The following TRAPPC8 variants were observed in gnomAD, a reference collection of about 807,000 sequenced individuals.
TRAPPC8 encodes the protein general sporulation gene 1 homolog.
In TRAPPC8, 54 loss-of-function variants were observed where a neutral mutation model predicts 174.3. The ratio of observed to expected loss-of-function variants is 0.31; its 90% confidence interval spans 0.25 to 0.39. TRAPPC8 has a LOEUF of 0.39. Among genes scored for constraint, TRAPPC8 ranks in the 10% least tolerant of loss-of-function variants. The pLI, the probability that TRAPPC8 is intolerant of heterozygous loss-of-function variation, is 1.00. For synonymous variants in TRAPPC8, 630 were observed against 579.9 expected, an observed-to-expected ratio of 1.09 and a Z score of -1.24; for missense variants, 1,531 against 1,699.1, an observed-to-expected ratio of 0.90 and a Z score of 1.74.
At chr18:31,933,826 G>A (rs2037960764) in intron 1 of TRAPPC8, among the ~76,000 whole-genome samples, 1 of 151,892 alleles carries the variant, frequency 6.6e-6, no homozygotes, top group Admixed American at 6.6e-5. Context: ...ACTCAAAAAC[G>A]TTTTTAAAAT....
intron 11 of TRAPPC8, chr18:31,896,484 A>G (rs1418966055): frequency 6.7e-6 from 1 of 148,870 alleles, no homozygotes; most frequent in African/African-American, 2.5e-5. Flanking sequence ...GGAATATCTC[A>G]AGCCATTTCT....
chr18:31,848,969 G>A (rs1054388866), intron 25 of TRAPPC8, among the ~76,000 whole-genome samples: 9 of 151,850 alleles, frequency 5.9e-5, no homozygotes, highest in Non-Finnish European at 4.4e-5. Flanking sequence ...GGGTAAAATA[G>A]TATATTTAAA....
intron 13 of TRAPPC8, chr18:31,873,911 T>C (rs1426862580): frequency 1.6e-5 from 3 of 188,200 alleles, no homozygotes; most frequent in African/African-American, 4.8e-5. Context: ...TTCTGCACGA[T>C]AGATATAATA....
chr18:31,942,533 C>T (rs2038392060), intron 1 of TRAPPC8, 75 bp downstream of exon 1: 2 of 1,445,968 alleles, frequency 1.4e-6, no homozygotes, highest in East Asian at 2.7e-5. Context: ...CCTTCTCTTC[C>T]CTGCCCGCCC....
At chr18:31,900,798 A>T in intron 10 of TRAPPC8, 127 bp downstream of exon 10, 1 of 690,092 alleles carries the variant, frequency 1.4e-6, no homozygotes, top group Non-Finnish European at 2.3e-6. Context: ...CTAACTTTTT[A>T]AAAATCACCT....
intron 12 of TRAPPC8, among the ~76,000 whole-genome samples, chr18:31,878,828 T>G (rs2035287194): frequency 6.6e-6 from 1 of 152,170 alleles, no homozygotes; most frequent in African/African-American, 2.4e-5. Flanking sequence ...GTTGTTATTC[T>G]TGTTATCAAA....
rs2038405867 is a variant in TRAPPC8 at position 31,942,745 on chromosome 18, G to A, written c.20C>T (p.Ser7Leu). 1 of 1,565,410 alleles carries A rather than the reference G, an allele frequency of 6.4e-7. No homozygotes were observed. The highest frequency in any genetic ancestry group is 8.7e-7 in the Non-Finnish European group (1 of 1,155,828). Residue 7 changes from serine to leucine, a missense_variant, in exon 1 of 29, where the codon TCA (serine) becomes TTA (leucine). Physicochemically the swap from Ser to Leu is moderately radical, Grantham distance 145. Transcript: ENST00000283351. Reference protein sequence around the residue: MAQCVQSVQELIPDSFV... With the variant: MAQCVQLVQELIPDSFV... ...GGAGTCCGGGATTAGCTCCTGCACT[G>A]ATTGTACACACTGGGCCATCGCCGC... is the stretch of plus-strand genomic sequence containing the variant.
intron 11 of TRAPPC8, among the ~76,000 whole-genome samples, chr18:31,893,023 A>G (rs7231114): frequency 0.42 from 55,235 of 131,484 alleles, 11,186 homozygotes; most frequent in Middle Eastern, 0.55. Context: ...TCTCAAAAAA[A>G]GGGAAAAAAA....
chr18:31,921,725 T>C lies in TRAPPC8; in HGVS notation c.353-4058A>G, dbSNP rs541289750. ...TTCTGCAATGTATAATGTAGCTTTC[T>C]CATCTCACCTTCTGGAAAACGGAAT... On this transcript the variant is annotated intron_variant, in intron 2 of 28. Coordinates refer to ENST00000283351, the MANE Select transcript of TRAPPC8 (RefSeq NM_014939.5). Among the ~76,000 whole-genome samples, 26 of 152,278 alleles carry C rather than the reference T, an allele frequency of 1.7e-4. No individual in the cohort carries two copies. In the South Asian group the frequency reaches 5.0e-3, roughly 29 times the overall value.
At position 31,906,742 on chromosome 18, in the gene TRAPPC8, T is replaced by C. The variant is rs2036677702; in HGVS notation, c.1389+718A>G. 3.3e-5 allele frequency among the ~76,000 whole-genome samples: 5 copies of C among 152,220 alleles called. No homozygotes were observed. In the South Asian group the frequency reaches 1.0e-3, roughly 31 times the overall value. ...GGAAATACCTGGCTTTGTAATCAAT[T>C]ACAAAACTAACACAACTGATATTAC... On this transcript the variant is annotated intron_variant, in intron 9 of 28. Transcript: ENST00000283351.
intron 11 of TRAPPC8, among the ~76,000 whole-genome samples, chr18:31,895,402 T>A (rs2036140987): frequency 6.6e-6 from 1 of 152,168 alleles, no homozygotes; most frequent in Non-Finnish European, 1.5e-5. Flanking sequence ...GATTTCTGGG[T>A]ACGTGCACCA....
chr18:31,881,270 A>T (rs538988659), intron 12 of TRAPPC8, among the ~76,000 whole-genome samples: 12 of 152,296 alleles, frequency 7.9e-5, no homozygotes, highest in African/African-American at 2.6e-4. Flanking sequence ...CCAAAACAGC[A>T]TGGTACTGGT....
chr18:31,871,710 G>A (rs1218638133), intron 14 of TRAPPC8, among the ~76,000 whole-genome samples: 2 of 152,092 alleles, frequency 1.3e-5, no homozygotes, highest in African/African-American at 4.8e-5. Context: ...CAAGTTGTGG[G>A]AAATGTAGAA....
At chr18:31,880,742 T>C (rs974316936) in intron 12 of TRAPPC8, among the ~76,000 whole-genome samples, 1 of 152,140 alleles carries the variant, frequency 6.6e-6, no homozygotes, top group African/African-American at 2.4e-5. Flanking sequence ...CAAGATCCTA[T>C]ACCTAGAAAA....
chr18:31,933,805 TA>T (rs11388008), intron 1 of TRAPPC8, among the ~76,000 whole-genome samples: 20 of 150,770 alleles, frequency 1.3e-4, no homozygotes, highest in East Asian at 3.9e-4. Flanking sequence ...CATTTTTTAC[TA>T]AAAAAAAAGA....
At chr18:31,875,794 A>G (rs2035111797) in intron 12 of TRAPPC8, among the ~76,000 whole-genome samples, 1 of 152,232 alleles carries the variant, frequency 6.6e-6, no homozygotes, top group African/African-American at 2.4e-5. Context: ...TCATCAATGT[A>G]AAAAATCAAA....
rs146607096 is a variant in TRAPPC8 at position 31,907,505 on chromosome 18, T to C, written c.1344A>G (p.Lys448=). 49 of 1,602,348 alleles carry C rather than the reference T, an allele frequency of 3.1e-5. No individual in the cohort carries two copies. In the African/African-American group the frequency reaches 6.3e-4, roughly 21 times the overall value. ...LAYSCYHTAK[K]DFLNDQAMLY... is the part of the protein sequence containing the mutation. ...GCATTGCTTGATCATTAAGAAAATC[T>C]TTCTTTGCAGTATGATAGCAACTGT... is the stretch of plus-strand genomic sequence containing the variant. Residue 448 remains lysine (K), a synonymous_variant, in exon 9 of 29, where the codon AAA becomes AAG. Coordinates refer to ENST00000283351, the MANE Select transcript of TRAPPC8 (RefSeq NM_014939.5).
At chr18:31,836,429 TC>T (rs2032724776) in intron 27 of TRAPPC8, among the ~76,000 whole-genome samples, 1 of 152,192 alleles carries the variant, frequency 6.6e-6, no homozygotes, top group African/African-American at 2.4e-5. Context: ...TGTAGAGAAC[TC>T]CTAAACATCC....
chr18:31,879,526 G>C (rs1051707631), intron 12 of TRAPPC8, among the ~76,000 whole-genome samples: 1 of 151,974 alleles, frequency 6.6e-6, no homozygotes, highest in African/African-American at 2.4e-5. Flanking sequence ...CAAAAAGACA[G>C]ATCTCAAATT....
Sources: allele counts gnomAD v4.1 joint callset (sites outside exome capture counted in the v4.1 genomes callset), GRCh38; gene constraint gnomAD v4.1.1; transcripts MANE v1.5; gene names NCBI Gene and HGNC (gene_info 2026-07-23, HGNC 2026-07-21).